The following ZDHHC17 variants were observed in gnomAD, a reference collection of about 807,000 sequenced individuals.
The protein encoded by ZDHHC17 is palmitoyltransferase ZDHHC17.
In ZDHHC17, 40 loss-of-function variants were observed where a neutral mutation model predicts 90.3. The ratio of observed to expected loss-of-function variants is 0.44; its 90% CI spans 0.34 to 0.58. The LOEUF is 0.58. Among genes scored for constraint, ZDHHC17 ranks in the 20% least tolerant of loss-of-function variants. The pLI, the probability that ZDHHC17 is intolerant of heterozygous loss-of-function variation, is 0.01. For synonymous variants in ZDHHC17, 235 were observed against 252.4 expected (o/e 0.93, Z 0.65); for missense variants, 614 against 780.8 (o/e 0.79, Z 2.55).
intron 1 of ZDHHC17, among the ~76,000 whole-genome samples, chr12:76,767,869 A>C (rs1263186020): frequency 6.6e-6 from 1 of 152,064 alleles, no homozygotes; most frequent in Non-Finnish European, 1.5e-5. Context: ...CAGTGAGCCG[A>C]GATTGCACTC....
intron 10 of ZDHHC17, among the ~76,000 whole-genome samples, chr12:76,836,784 C>T (rs925098839): frequency 2.6e-5 from 4 of 152,030 alleles, no homozygotes; most frequent in Non-Finnish European, 5.9e-5. Context: ...AAATCTTCTA[C>T]CGTGTTGCTA....
At chr12:76,792,047 T>C (rs1952765441) in intron 1 of ZDHHC17, among the ~76,000 whole-genome samples, 1 of 152,150 alleles carries the variant, frequency 6.6e-6, no homozygotes, top group Admixed American at 6.6e-5. Context: ...GGAGGTTTTA[T>C]AGAACTTAAT....
At chr12:76,804,377 T>C (rs1592476541) in intron 2 of ZDHHC17, among the ~76,000 whole-genome samples, 1 of 152,204 alleles carries the variant, frequency 6.6e-6, no homozygotes, top group Non-Finnish European at 1.5e-5. Context: ...AAATGACTTC[T>C]AGAGTGATTC....
intron 13 of ZDHHC17, chr12:76,846,277 T>A: frequency 3.5e-6 from 1 of 284,974 alleles, no homozygotes. Flanking sequence ...CTTTGGATTG[T>A]AAAGTTTATA....
At chr12:76,795,777 C>T (rs1952812514) in intron 1 of ZDHHC17, among the ~76,000 whole-genome samples, 1 of 152,062 alleles carries the variant, frequency 6.6e-6, no homozygotes, top group African/African-American at 2.4e-5. Context: ...AATACTAAAC[C>T]TACTCAAGCT....
chr12:76,809,268 A>G (rs1017191294), intron 4 of ZDHHC17, 148 bp downstream of exon 4: 5 of 524,662 alleles, frequency 9.5e-6, no homozygotes, highest in Non-Finnish European at 1.5e-5. Flanking sequence ...TTATTGTGAA[A>G]TATTACCTGT....
intron 1 of ZDHHC17, among the ~76,000 whole-genome samples, chr12:76,781,011 G>A (rs964755033): frequency 2.7e-4 from 41 of 151,736 alleles, no homozygotes; most frequent in African/African-American, 9.0e-4. Flanking sequence ...GCAGGCGCCC[G>A]TAGTCCCAGC....
In ZDHHC17 at chr12:76,767,031, AAAAG is replaced by A. The variant is rs1444600185; in HGVS notation, c.93+2706_93+2709del. On this transcript the variant is annotated intron_variant, in intron 1 of 16. Coordinates refer to ENST00000426126, the MANE Select transcript of ZDHHC17 (RefSeq NM_015336.4). Reference sequence around the variant, plus strand: ...AAGATTATGTCTCAAAAAAAAAAAAAAAAGAAAAGAAAAGAAAATGGAGATGCTG... The same window carrying A: ...AAGATTATGTCTCAAAAAAAAAAAAAAAAAGAAAAGAAAATGGAGATGCTG... Among the ~76,000 whole-genome samples, 1,478 of 151,398 alleles carry A rather than the reference AAAAG, an allele frequency of 9.8e-3. 9 individuals carry two copies. Among genetic ancestry groups the A allele is most frequent in the Non-Finnish European group, 0.015 (1,049 of 67,750 alleles).
chr12:76,836,885 G>T (rs1540590), intron 10 of ZDHHC17, among the ~76,000 whole-genome samples: 58,370 of 151,970 alleles, frequency 0.38, 11,724 homozygotes, highest in East Asian at 0.65. Context: ...ATTGAACCTT[G>T]TATCAATATG....
chr12:76,799,316 TTTTA>T (rs1952860249), intron 2 of ZDHHC17, among the ~76,000 whole-genome samples: 1 of 152,172 alleles, frequency 6.6e-6, no homozygotes, highest in South Asian at 2.1e-4. Flanking sequence ...AAACAATATT[TTTTA>T]TTTGTTTTGT....
At chr12:76,769,005 G>A (rs1167765421) in intron 1 of ZDHHC17, 3 of 260,316 alleles carry the variant, frequency 1.2e-5, no homozygotes, top group Non-Finnish European at 2.5e-5. Context: ...TCAAACTATT[G>A]CTATTATCTA....
intron 10 of ZDHHC17, among the ~76,000 whole-genome samples, chr12:76,831,407 A>G (rs975311126): frequency 3.3e-5 from 5 of 152,044 alleles, no homozygotes; most frequent in East Asian, 1.9e-4. Context: ...CTAGAGTGCA[A>G]TGGCATGATC....
At chr12:76,781,515 G>A (rs1952626122) in intron 1 of ZDHHC17, 2 of 427,312 alleles carry the variant, frequency 4.7e-6, no homozygotes, top group South Asian at 3.4e-5. Flanking sequence ...TCCTTATCAA[G>A]AGAGTGAGTT....
intron 10 of ZDHHC17, among the ~76,000 whole-genome samples, chr12:76,828,985 C>G (rs947386092): frequency 6.6e-6 from 1 of 152,136 alleles, no homozygotes; most frequent in Non-Finnish European, 1.5e-5. Flanking sequence ...TTGGACATCA[C>G]TAATCATCAG....
At chr12:76,826,617 G>C (rs1480828947) in intron 8 of ZDHHC17, among the ~76,000 whole-genome samples, 2 of 152,154 alleles carry the variant, frequency 1.3e-5, no homozygotes, top group Admixed American at 1.3e-4. Flanking sequence ...CTGTTTGCTA[G>C]CCAGTGTATG....
At chr12:76,764,632 C>A (rs769356951) in intron 1 of ZDHHC17, 35 of 539,444 alleles carry the variant, frequency 6.5e-5, no homozygotes, top group Non-Finnish European at 1.1e-4. Flanking sequence ...GGCGGAGGGG[C>A]CTGGTGTGGT....
intron 1 of ZDHHC17, among the ~76,000 whole-genome samples, chr12:76,776,272 A>T (rs1019515895): frequency 7.9e-5 from 12 of 152,124 alleles, no homozygotes; most frequent in African/African-American, 2.9e-4. Context: ...AAGTTTCAGC[A>T]TGGGTTTTTT....
At chr12:76,790,674 A>G (rs971202333) in intron 1 of ZDHHC17, among the ~76,000 whole-genome samples, 2 of 152,182 alleles carry the variant, frequency 1.3e-5, no homozygotes, top group African/African-American at 4.8e-5. Context: ...TATTTTCCCA[A>G]ATGTTTTCCT....
chr12:76,791,830 A>T (rs142506610), intron 1 of ZDHHC17, among the ~76,000 whole-genome samples: 2 of 152,120 alleles, frequency 1.3e-5, no homozygotes, highest in African/African-American at 4.8e-5. Flanking sequence ...GATAATTTGC[A>T]TAAGTTGCTC....
Sources: gnomAD v4.1 joint callset for allele counts (sites outside exome capture counted in the v4.1 genomes callset) on GRCh38, gnomAD v4.1.1 for gene constraint, MANE v1.5 for transcripts, NCBI Gene and HGNC (gene_info 2026-07-23, HGNC 2026-07-21) for gene names.